BACE2: variants seen among roughly 807,000 people sequenced by gnomAD.
BACE2 encodes 56 kDa aspartic-like protease.
In BACE2, 17 loss-of-function variants were observed where a neutral mutation model predicts 46.2. The observed-to-expected ratio is 0.37, with a 90% CI of 0.25 to 0.55. The LOEUF (loss-of-function observed/expected upper bound fraction) is 0.55, where lower values mean the gene tolerates loss of function less well. Ranked by LOEUF, BACE2 falls within the 20% of genes least tolerant of loss-of-function variation. The pLI is 0.82. For synonymous variants in BACE2, 277 were observed against 295.9 expected (o/e 0.94, Z 0.66); for missense variants, 595 against 698.1 (o/e 0.85, Z 1.66).
chr21:41,252,397 C>T (rs1987667000), intron 7 of BACE2: 1 of 152,252 alleles, frequency 6.6e-6, no homozygotes, highest in African/African-American at 2.4e-5. Flanking sequence ...TCCTTTAAGA[C>T]TCAACTCAAA....
intron 8 of BACE2, among the ~76,000 whole-genome samples, chr21:41,272,291 A>G (rs191596359): frequency 3.3e-5 from 5 of 151,636 alleles, no homozygotes; most frequent in Admixed American, 6.6e-5. Flanking sequence ...ATTATAATCT[A>G]TGTCATGTTT....
rs552530973 is a variant in BACE2, at chr21:41,273,538, G to A, written c.1304-1833G>A. Among the ~76,000 whole-genome samples the A allele has an allele frequency of 4.3e-4, 66 of 152,262 alleles. No individual in the cohort carries two copies. The Middle Eastern group carries it at 0.01, about 24-fold the overall frequency. ...AGAGAAATATGGCTCTGTTCCGCCC[G>A]GCTCTCAGGCAGCCAGACCTAATGG... On this transcript the variant is annotated intron_variant, in intron 8 of 8. Coordinates refer to ENST00000330333, the MANE Select transcript of BACE2 (RefSeq NM_012105.5).
chr21:41,252,023 A>T (rs1266894310), intron 7 of BACE2, among the ~76,000 whole-genome samples: 1 of 151,874 alleles, frequency 6.6e-6, no homozygotes, highest in Non-Finnish European at 1.5e-5. Flanking sequence ...GGCTCTCACC[A>T]GCACTTCTGT....
chr21:41,257,699 G>C (rs895295301), intron 8 of BACE2, among the ~76,000 whole-genome samples: 2 of 152,154 alleles, frequency 1.3e-5, no homozygotes, highest in African/African-American at 4.8e-5. Flanking sequence ...CCATAAAGCT[G>C]TCCTCATTTT....
intron 8 of BACE2, among the ~76,000 whole-genome samples, chr21:41,268,013 C>A (rs2088396809): frequency 6.6e-6 from 1 of 152,166 alleles, no homozygotes; most frequent in Non-Finnish European, 1.5e-5. Context: ...TCAACCAGAT[C>A]CTGACCTTTC....
At chr21:41,252,510 A>T (rs901075515) in intron 7 of BACE2, 2 of 152,168 alleles carry the variant, frequency 1.3e-5, no homozygotes, top group African/African-American at 4.8e-5. Flanking sequence ...TCTGGCATGG[A>T]ATCTTATCTT....
At chr21:41,273,080 A>C (rs1568895932) in intron 8 of BACE2, among the ~76,000 whole-genome samples, 2 of 152,176 alleles carry the variant, frequency 1.3e-5, no homozygotes, top group Non-Finnish European at 2.9e-5. Flanking sequence ...GCAAGTTTTT[A>C]TTAGTGATTT....
intron 1 of BACE2, among the ~76,000 whole-genome samples, chr21:41,216,077 C>T (rs1986458285): frequency 2.0e-5 from 3 of 151,892 alleles, no homozygotes; most frequent in Admixed American, 1.3e-4. Flanking sequence ...TTTGAGAGCG[C>T]GTCGTGTGAA....
chr21:41,248,477 T>C (rs2123613720), intron 6 of BACE2, among the ~76,000 whole-genome samples: 1 of 152,320 alleles, frequency 6.6e-6, no homozygotes, highest in African/African-American at 2.4e-5. Flanking sequence ...CGTGTCCCGC[T>C]GCAGACCTGG....
At chr21:41,224,778 C>T (rs1986760593) in intron 1 of BACE2, among the ~76,000 whole-genome samples, 1 of 152,218 alleles carries the variant, frequency 6.6e-6, no homozygotes, top group South Asian at 2.1e-4. Context: ...TACCGTTCCA[C>T]ACCCGTTAGC....
At chr21:41,258,947 T>G (rs1349842972) in intron 8 of BACE2, among the ~76,000 whole-genome samples, 1 of 152,250 alleles carries the variant, frequency 6.6e-6, no homozygotes, top group African/African-American at 2.4e-5. Context: ...GACTGAAATA[T>G]CACTGAATTT....
chr21:41,172,605 T>C (rs1984645873), intron 1 of BACE2, among the ~76,000 whole-genome samples: 3 of 152,180 alleles, frequency 2.0e-5, no homozygotes, highest in African/African-American at 2.4e-5. Context: ...TTAGGTGCAG[T>C]GTTTTAGTTA....
chr21:41,200,984 G>A (rs954478206), intron 1 of BACE2, among the ~76,000 whole-genome samples: 4 of 152,174 alleles, frequency 2.6e-5, no homozygotes, highest in Non-Finnish European at 4.4e-5. Flanking sequence ...TACACAGCCT[G>A]GCCAGCTCAG....
intron 3 of BACE2, 59 bp downstream of exon 3, chr21:41,237,788 G>A (rs900753397): frequency 3.5e-6 from 5 of 1,431,754 alleles, no homozygotes; most frequent in East Asian, 2.3e-5. Flanking sequence ...CTGAAAATCA[G>A]TCATTAAAGG....
intron 1 of BACE2, among the ~76,000 whole-genome samples, chr21:41,168,899 C>A (rs927542201): frequency 6.6e-6 from 1 of 152,080 alleles, no homozygotes; most frequent in African/African-American, 2.4e-5. Flanking sequence ...TTCTTGCGGG[C>A]GACACCTACT....
intron 1 of BACE2, among the ~76,000 whole-genome samples, chr21:41,203,839 A>G (rs1211666171): frequency 1.3e-5 from 2 of 152,156 alleles, no homozygotes; most frequent in Admixed American, 6.5e-5. Context: ...TCAGGGAGGA[A>G]AGGAGTTTTG....
chr21:41,214,879 CAG>C (rs1383585596), intron 1 of BACE2, among the ~76,000 whole-genome samples: 1 of 151,446 alleles, frequency 6.6e-6, no homozygotes, highest in Non-Finnish European at 1.5e-5. Context: ...GCACCCAGGA[CAG>C]GGGCACAGAA....
At chr21:41,207,730 T>G (rs1986173464) in intron 1 of BACE2, among the ~76,000 whole-genome samples, 1 of 152,228 alleles carries the variant, frequency 6.6e-6, no homozygotes, top group Non-Finnish European at 1.5e-5. Context: ...ACACAGGCTC[T>G]CTGGCCTCCA....
In BACE2 at chr21:41,281,527, C is replaced by T. The variant is rs976089386; in HGVS notation, c.*5903C>T. The T allele has an allele frequency of 6.6e-6, 1 of 152,154 alleles. No individual in the cohort carries two copies. The highest frequency in any genetic ancestry group is 6.5e-5 in the Admixed American group (1 of 15,278). The allele number at this position is 152,154 out of a possible 1,614,324, so 9.4% of individuals were successfully genotyped here. A position where few individuals can be genotyped will look rare whatever the true frequency, so the allele number is the denominator to read the frequency against. On this transcript the variant is annotated 3_prime_UTR_variant, in exon 9 of 9. Coordinates refer to ENST00000330333, the MANE Select transcript of BACE2 (RefSeq NM_012105.5). Reference sequence around the variant, plus strand: ...AGGACATATGTTTTTCTGTTGAGTGCTATATGTGGAGGTCATTGCAAGTTC... The same window carrying T: ...AGGACATATGTTTTTCTGTTGAGTGTTATATGTGGAGGTCATTGCAAGTTC...
Sources: allele counts gnomAD v4.1 joint callset (sites outside exome capture counted in the v4.1 genomes callset), GRCh38; gene constraint gnomAD v4.1.1; transcripts MANE v1.5; gene names NCBI Gene and HGNC (gene_info 2026-07-23, HGNC 2026-07-21).